Variants in NOL4L observed in about 807,000 individuals in gnomAD.
NOL4L encodes the protein nucleolar protein 4-like.
NOL4L carries 7 observed loss-of-function variants against 64.5 expected under a neutral mutation model. The observed-to-expected ratio is 0.11, with a 90% CI of 0.06 to 0.20. NOL4L has a LOEUF of 0.20. Among genes scored for constraint, NOL4L ranks in the 10% least tolerant of loss-of-function variants. The probability of loss-of-function intolerance (pLI) is 1.00; values close to 1 mark genes in which losing one functional copy is unlikely to be tolerated. For synonymous variants in NOL4L, 413 were observed against 401.0 expected (o/e 1.03, Z -0.36); for missense variants, 680 against 967.1 (o/e 0.70, Z 3.94).
rs1600822783 is a variant in NOL4L, at chr20:32,521,637, G to A, written c.478-715C>T. On this transcript the variant is annotated intron_variant, in intron 2 of 10. Coordinates refer to ENST00000621426, the MANE Select transcript of NOL4L (RefSeq NM_001256798.2). The stretch of plus-strand genomic sequence containing the variant: ...AGGAGGACAGGGATGCAGAGGGCTG[G>A]GGGAGAGACACAAAGAAGGGAGGGA... 2.6e-5 allele frequency among the ~76,000 whole-genome samples: 4 copies of A among 152,190 alleles called. No individual in the cohort carries two copies. In the South Asian group the frequency reaches 8.3e-4, roughly 32 times the overall value.
Position 32,444,281 on chromosome 20 carries a change from T to C in NOL4L, c.*3315A>G, listed in dbSNP as rs1432393739. 1 of 152,212 alleles carries C rather than the reference T, an allele frequency of 6.6e-6. No homozygotes were observed. The highest frequency in any genetic ancestry group is 6.5e-5 in the Admixed American group (1 of 15,282). 9.4% of individuals were successfully genotyped at this position (152,212 alleles called of 1,614,324 possible). On this transcript the variant is annotated 3_prime_UTR_variant, in exon 11 of 11. Coordinates refer to ENST00000621426, the MANE Select transcript of NOL4L (RefSeq NM_001256798.2). ...AAAGCACCACTAAATTATATAAAAATCAGACCATGGACGGATTGAAACTGG... is the reference window on the plus strand; with the variant it reads ...AAAGCACCACTAAATTATATAAAAACCAGACCATGGACGGATTGAAACTGG...
Position 32,474,883 on chromosome 20 carries a change from G to T in NOL4L, c.700-141C>A. 2.1e-6 allele frequency: 3 copies of T among 1,427,086 alleles called. No individual in the cohort carries two copies. The East Asian group carries it at 7.7e-5, about 37-fold the overall frequency. 88.4% of individuals were successfully genotyped at this position (1,427,086 alleles called of 1,614,324 possible). On this transcript the variant is annotated intron_variant, in intron 4 of 10. Coordinates refer to ENST00000621426, the MANE Select transcript of NOL4L (RefSeq NM_001256798.2). ...AGGAGCCCTCAAACCTTGAAGTGAGGGCTGGGTGGTGCTCCCCCTTGCCCG... is the reference window on the plus strand; with the variant it reads ...AGGAGCCCTCAAACCTTGAAGTGAGTGCTGGGTGGTGCTCCCCCTTGCCCG...
At chr20:32,581,239 C>A (rs771001671) in intron 1 of NOL4L, among the ~76,000 whole-genome samples, 1 of 152,172 alleles carries the variant, frequency 6.6e-6, no homozygotes, top group African/African-American at 2.4e-5. Flanking sequence ...CTCTCCCCCA[C>A]GCCCAGGCTT....
chr20:32,543,623 A>G (rs1181339659), intron 1 of NOL4L, among the ~76,000 whole-genome samples: 1 of 151,872 alleles, frequency 6.6e-6, no homozygotes, highest in East Asian at 1.9e-4. Context: ...TGTCACAAAA[A>G]AAAAAAGAAA....
chr20:32,571,318 G>T (rs1979733080), intron 1 of NOL4L, among the ~76,000 whole-genome samples: 1 of 152,194 alleles, frequency 6.6e-6, no homozygotes, highest in Admixed American at 6.5e-5. Flanking sequence ...CTCCCAAGTA[G>T]CTGGGATTAT....
chr20:32,456,648 C>T (rs2013561269), intron 5 of NOL4L, among the ~76,000 whole-genome samples: 1 of 152,152 alleles, frequency 6.6e-6, no homozygotes, highest in Non-Finnish European at 1.5e-5. Context: ...GGAGGGTCTT[C>T]CTGCACCCCA....
intron 1 of NOL4L, among the ~76,000 whole-genome samples, chr20:32,534,267 G>A (rs1483340666): frequency 3.9e-5 from 6 of 152,146 alleles, no homozygotes; most frequent in African/African-American, 1.2e-4. Context: ...GGTGCATTTC[G>A]GATCCAGCTC....
chr20:32,548,927 C>CGGCGACCACCGAGA, intron 1 of NOL4L: 1 of 375,588 alleles, frequency 2.7e-6, no homozygotes, highest in Non-Finnish European at 5.3e-6. Context: ...TTCTAACATA[C>CGGCGACCACCGAGA]TTATGCACTG....
intron 1 of NOL4L, among the ~76,000 whole-genome samples, chr20:32,551,317 A>G (rs2018798372): frequency 6.6e-6 from 1 of 152,002 alleles, no homozygotes; most frequent in Non-Finnish European, 1.5e-5. Context: ...CGGAGGTTGC[A>G]GTGAGCCAAG....
At chr20:32,486,225 T>C (rs2016081001) in intron 4 of NOL4L, among the ~76,000 whole-genome samples, 1 of 152,188 alleles carries the variant, frequency 6.6e-6, no homozygotes, top group Admixed American at 6.5e-5. Flanking sequence ...TTGTTTTCAG[T>C]GTCCTTGTGC....
rs76236794 is a variant in NOL4L, at chr20:32,566,637, T to G, written c.321+17933A>C. On this transcript the variant is annotated intron_variant, in intron 1 of 10. Coordinates refer to ENST00000621426, the MANE Select transcript of NOL4L (RefSeq NM_001256798.2). ...GCTGTTCCCTCTACTTGGAATGTTT[T>G]TCCACCCAATTCCCGTATAATTTGC... 6.7e-3 allele frequency among the ~76,000 whole-genome samples: 1,021 copies of G among 152,296 alleles called. 4 individuals carry two copies. The highest frequency in any genetic ancestry group is 0.01 in the Non-Finnish European group (702 of 68,006).
chr20:32,536,540 C>T (rs2018531698), intron 1 of NOL4L: 1 of 131,996 alleles, frequency 7.6e-6, no homozygotes, highest in Admixed American at 7.3e-5. Flanking sequence ...CGCGTGCGCC[C>T]CGGCGGGGAG....
At chr20:32,535,623 A>G (rs1451073756) in intron 1 of NOL4L, 1 of 985,390 alleles carries the variant, frequency 1.0e-6, no homozygotes, top group Non-Finnish European at 1.2e-6. Flanking sequence ...ACCCCAGGCC[A>G]CAGAGAAAGG....
chr20:32,456,415 T>G lies in NOL4L; in HGVS notation c.842-20A>C. 1 of 1,451,210 alleles carries G rather than the reference T, an allele frequency of 6.9e-7. No homozygotes were observed. The allele number at this position is 1,451,210 out of a possible 1,614,324, so 89.9% of individuals were successfully genotyped here. Reference sequence around the variant, plus strand: ...AGTCATCTGGAATGAGAGGCCTGGGTGTGAGGCCCCACCCAAGGCACTGTG... The same window carrying G: ...AGTCATCTGGAATGAGAGGCCTGGGGGTGAGGCCCCACCCAAGGCACTGTG... On this transcript the variant is annotated intron_variant, in intron 5 of 10. Transcript: ENST00000621426.
intron 1 of NOL4L, among the ~76,000 whole-genome samples, chr20:32,530,573 A>G (rs966045230): frequency 1.3e-5 from 2 of 151,586 alleles, no homozygotes; most frequent in African/African-American, 2.4e-5. Flanking sequence ...CTGGGTTTCT[A>G]TTTGTTGATC....
chr20:32,462,903 T>TAGAAAAAGAAAAAAA (rs2014204699), intron 5 of NOL4L, among the ~76,000 whole-genome samples: 1 of 76,668 alleles, frequency 1.3e-5, no homozygotes. Context: ...GACTCTGTCT[T>TAGAAAAAGAAAAAAA]AAAAAAAAAA....
rs1174304651 is a variant in NOL4L, at chr20:32,488,965, CTTTTT to C, written c.700-14228_700-14224del. On this transcript the variant is annotated intron_variant, in intron 4 of 10. Transcript: ENST00000621426. ...CCATTTCTCTATTTGAATTGTTGGT[CTTTTT>C]TTTTTTTTTTTTTTGGTAAGAACTT... 8.2e-4 allele frequency among the ~76,000 whole-genome samples: 37 copies of C among 45,084 alleles called. 2 individuals are homozygous for C. The highest frequency in any genetic ancestry group is 4.6e-3 in the African/African-American group (35 of 7,578). 29.6% of individuals were successfully genotyped at this position (45,084 alleles called of 152,430 possible).
intron 4 of NOL4L, among the ~76,000 whole-genome samples, chr20:32,488,831 CTTTCTTTCTTTCTTTCTT>C (rs2016298014): frequency 2.9e-5 from 1 of 34,826 alleles, no homozygotes; most frequent in Non-Finnish European, 4.9e-5. Context: ...CTTTCTTTTT[CTTTCTTTCTTTCTTTCTT>C]TCTTTCTTTC....
intron 1 of NOL4L, among the ~76,000 whole-genome samples, chr20:32,528,423 GCCCTCC>G (rs1236320285): frequency 6.6e-6 from 1 of 152,250 alleles, no homozygotes; most frequent in African/African-American, 2.4e-5. Flanking sequence ...GCGGCTGCCT[GCCCTCC>G]CCACTCCAGC....
Sources: allele counts gnomAD v4.1 joint callset (sites outside exome capture counted in the v4.1 genomes callset), GRCh38; gene constraint gnomAD v4.1.1; transcripts MANE v1.5; gene names NCBI Gene and HGNC (gene_info 2026-07-23, HGNC 2026-07-21).